DIAPH2: variants seen among roughly 807,000 people sequenced by gnomAD.
The protein encoded by DIAPH2 is diaphanous related formin 2, also known as protein diaphanous homolog 2.
DIAPH2 carries 35 observed loss-of-function variants against 92.7 expected under a neutral mutation model. The ratio of observed to expected loss-of-function variants is 0.38; its 90% CI spans 0.29 to 0.50. The LOEUF (loss-of-function observed/expected upper bound fraction) is 0.50, where lower values mean the gene tolerates loss of function less well. Ranked by LOEUF, DIAPH2 falls within the 20% of genes least tolerant of loss-of-function variation. DIAPH2 has a pLI of 0.94. For missense variants in DIAPH2, 701 were observed against 819.5 expected (o/e 0.86, Z 1.77); for synonymous variants, 301 against 280.4 (o/e 1.07, Z -0.73).
intron 9 of DIAPH2, among the ~76,000 whole-genome samples, chrX:96,927,622 A>G (rs2065592610): frequency 9.0e-6 from 1 of 111,434 alleles, no homozygotes; most frequent in African/African-American, 3.3e-5. Flanking sequence ...TTTTAATTTT[A>G]TTTAATTGTA....
At chrX:97,479,840 A>G (rs2070638280) in intron 26 of DIAPH2, among the ~76,000 whole-genome samples, 1 of 111,334 alleles carries the variant, frequency 9.0e-6, no homozygotes, top group South Asian at 3.8e-4. Flanking sequence ...GATTTTGAAG[A>G]CAGCTCTAAT....
chrX:97,468,276 A>C (rs991070111), intron 26 of DIAPH2, among the ~76,000 whole-genome samples: 2 of 111,323 alleles, frequency 1.8e-5, no homozygotes, highest in Non-Finnish European at 1.9e-5. Context: ...CATTGTGGTC[A>C]CTTAGGATGA....
At chrX:96,895,621 G>A (rs1177452959) in intron 5 of DIAPH2, among the ~76,000 whole-genome samples, 1 of 111,593 alleles carries the variant, frequency 9.0e-6, no homozygotes, top group Non-Finnish European at 1.9e-5. Flanking sequence ...GATATTCCTC[G>A]TATGTCACAT....
intron 17 of DIAPH2, among the ~76,000 whole-genome samples, chrX:97,034,051 AT>A (rs1229641036): frequency 2.3e-4 from 23 of 100,899 alleles, no homozygotes; most frequent in Admixed American, 6.7e-4. Context: ...TTCTGAAATC[AT>A]TTTTTTTTGT....
chrX:96,836,201 T>TC (rs1219541892), intron 4 of DIAPH2, among the ~76,000 whole-genome samples: 1 of 109,062 alleles, frequency 9.2e-6, no homozygotes, highest in Non-Finnish European at 1.9e-5. Flanking sequence ...TTACCCCTCA[T>TC]CCCCCTCCCA....
At chrX:96,803,294 TACTA>T (rs68002925) in intron 4 of DIAPH2, among the ~76,000 whole-genome samples, 11,058 of 111,327 alleles carry the variant, frequency 0.099, 525 homozygotes, top group East Asian at 0.32. Flanking sequence ...ATGTTTTCTT[TACTA>T]ACTTAGATTA....
At chrX:97,222,721 T>G (rs977399232) in intron 22 of DIAPH2, among the ~76,000 whole-genome samples, 2 of 112,437 alleles carry the variant, frequency 1.8e-5, no homozygotes, top group African/African-American at 6.5e-5. Context: ...CCGTCTTTAT[T>G]CATTTTCATG....
At chrX:97,328,359 C>T (rs919726050) in intron 23 of DIAPH2, among the ~76,000 whole-genome samples, 6 of 111,151 alleles carry the variant, frequency 5.4e-5, no homozygotes, top group Admixed American at 9.6e-5. Flanking sequence ...CGCTTGATCC[C>T]GGGAGGCAGA....
In DIAPH2 at chrX:97,340,136, A is replaced by C. The variant is rs773736784; in HGVS notation, c.2845-7980A>C. ...GTTGTCACTCTCTCCTGTGGCACCA[A>C]ATGCCAGGAAATCTGGGTATTCAGG... is the stretch of plus-strand genomic sequence containing the variant. On this transcript the variant is annotated intron_variant, in intron 23 of 26. Transcript: ENST00000324765. Among the ~76,000 whole-genome samples, 5 of 111,745 alleles carry C rather than the reference A, an allele frequency of 4.5e-5. No homozygotes were observed. The South Asian group carries it at 1.9e-3, about 42-fold the overall frequency.
intron 19 of DIAPH2, among the ~76,000 whole-genome samples, chrX:97,082,541 A>G (rs1394797562): frequency 9.1e-6 from 1 of 110,455 alleles, no homozygotes; most frequent in Non-Finnish European, 1.9e-5. Flanking sequence ...CTGAGGCAGG[A>G]GAATCGCTTG....
intron 23 of DIAPH2, among the ~76,000 whole-genome samples, chrX:97,325,659 G>A (rs922526059): frequency 2.8e-5 from 3 of 108,930 alleles, no homozygotes; most frequent in Non-Finnish European, 5.7e-5. Context: ...CTCACTGCAA[G>A]CTCCGCGTCC....
At chrX:96,724,548 C>T (rs1205893397) in intron 1 of DIAPH2, among the ~76,000 whole-genome samples, 1 of 111,548 alleles carries the variant, frequency 9.0e-6, no homozygotes, top group Non-Finnish European at 1.9e-5. Context: ...ATGTATCTGT[C>T]AGTGGTTTTC....
At chrX:97,598,048 A>G (rs1444134847) in intron 26 of DIAPH2, among the ~76,000 whole-genome samples, 1 of 111,292 alleles carries the variant, frequency 9.0e-6, no homozygotes, top group African/African-American at 3.3e-5. Context: ...CCGGGAAATC[A>G]GTCAAGAGAT....
chrX:97,486,284 C>T (rs1461245165), intron 26 of DIAPH2, among the ~76,000 whole-genome samples: 1 of 111,658 alleles, frequency 9.0e-6, no homozygotes, highest in Non-Finnish European at 1.9e-5. Flanking sequence ...GAACTTCCAG[C>T]ACACCTATAG....
At chrX:96,719,279 T>C (rs2063974670) in intron 1 of DIAPH2, among the ~76,000 whole-genome samples, 1 of 112,324 alleles carries the variant, frequency 8.9e-6, no homozygotes, top group Non-Finnish European at 1.9e-5. Flanking sequence ...CAGAAGATTT[T>C]TTAATTTGAT....
chrX:96,908,797 C>A (rs1298979061), intron 5 of DIAPH2, among the ~76,000 whole-genome samples: 1 of 111,392 alleles, frequency 9.0e-6, no homozygotes, highest in Non-Finnish European at 1.9e-5. Context: ...GTCAGGGTTT[C>A]ACCGTGTTAG....
chrX:97,330,979 T>C (rs961954132), intron 23 of DIAPH2, among the ~76,000 whole-genome samples: 26 of 111,925 alleles, frequency 2.3e-4, no homozygotes, highest in Non-Finnish European at 3.8e-4. Flanking sequence ...CCTGCCTTTT[T>C]CTTTTTTTCA....
chrX:96,964,099 A>T (rs1407886325), intron 16 of DIAPH2, among the ~76,000 whole-genome samples: 1 of 111,194 alleles, frequency 9.0e-6, no homozygotes, highest in Non-Finnish European at 1.9e-5. Context: ...TAATTTTCTA[A>T]TGAAAATCCA....
intron 26 of DIAPH2, chrX:97,555,448 G>A (rs1250877418): frequency 1.3e-5 from 10 of 749,321 alleles, no homozygotes; most frequent in Non-Finnish European, 3.1e-6. Context: ...AAGGAGATAA[G>A]AAGAAAGAGC....
Sources: gnomAD v4.1 joint callset for allele counts (sites outside exome capture counted in the v4.1 genomes callset) on GRCh38, gnomAD v4.1.1 for gene constraint, MANE v1.5 for transcripts, NCBI Gene and HGNC (gene_info 2026-07-23, HGNC 2026-07-21) for gene names.